The following TMEM132C variants were observed in gnomAD, a reference collection of about 807,000 sequenced individuals.
TMEM132C encodes transmembrane protein 132C, also known as protein phosphatase 1, regulatory subunit 152.
In TMEM132C, 29 loss-of-function variants were observed where a neutral mutation model predicts 61.4. That is an observed-to-expected ratio of 0.47 (90% CI 0.35 to 0.64). The LOEUF (loss-of-function observed/expected upper bound fraction) is 0.64. TMEM132C is among the 30% of genes least tolerant of loss of function. TMEM132C has a pLI of 0.00. For synonymous variants in TMEM132C, 656 were observed against 633.1 expected, an observed-to-expected ratio of 1.04 and a Z score of -0.54; for missense variants, 1,408 against 1,476.9, an observed-to-expected ratio of 0.95 and a Z score of 0.76.
At chr12:128,655,353 T>C (rs894377806) in intron 4 of TMEM132C, among the ~76,000 whole-genome samples, 9 of 152,194 alleles carry the variant, frequency 5.9e-5, no homozygotes, top group Admixed American at 4.6e-4. Flanking sequence ...AATGCCTCTG[T>C]GTTTGTGTGC....
At chr12:128,485,834 C>T (rs1030257298) in intron 2 of TMEM132C, among the ~76,000 whole-genome samples, 5 of 152,278 alleles carry the variant, frequency 3.3e-5, no homozygotes, top group Non-Finnish European at 5.9e-5. Flanking sequence ...ACGGAGGGCG[C>T]GGAGGTTTCT....
In TMEM132C at chr12:128,593,348, C is replaced by G. The variant is rs113635795; in HGVS notation, c.1122-22804C>G. Among the ~76,000 whole-genome samples, 272 of 151,986 alleles carry G rather than the reference C, an allele frequency of 1.8e-3. 2 individuals carry two copies. The highest frequency in any genetic ancestry group is 2.9e-3 in the Non-Finnish European group (199 of 67,946). ...CTCTCCTCTCTCCTTCCCTCTCTTT[C>G]TCTCTCTCTCTCCTCAAATTAAAGT... is the stretch of plus-strand genomic sequence containing the variant. On this transcript the variant is annotated intron_variant, in intron 3 of 8. Coordinates refer to ENST00000435159, the MANE Select transcript of TMEM132C (RefSeq NM_001136103.3).
intron 4 of TMEM132C, among the ~76,000 whole-genome samples, chr12:128,636,849 G>T (rs934800488): frequency 2.6e-5 from 4 of 152,046 alleles, no homozygotes; most frequent in Non-Finnish European, 4.4e-5. Flanking sequence ...CCTATGAATG[G>T]AATCATGCAG....
At chr12:128,555,717 T>A (rs1171639452) in intron 3 of TMEM132C, among the ~76,000 whole-genome samples, 1 of 151,730 alleles carries the variant, frequency 6.6e-6, no homozygotes, top group Admixed American at 6.6e-5. Context: ...CCTAACTTTT[T>A]TTTTTTTTTT....
chr12:128,498,754 A>T (rs1439322161), intron 2 of TMEM132C, among the ~76,000 whole-genome samples: 2 of 152,164 alleles, frequency 1.3e-5, no homozygotes, highest in Non-Finnish European at 1.5e-5. Context: ...AAATTAAAAA[A>T]TTTTCATTTA....
intron 2 of TMEM132C, among the ~76,000 whole-genome samples, chr12:128,430,297 C>G (rs543277461): frequency 6.6e-6 from 1 of 152,158 alleles, no homozygotes; most frequent in Admixed American, 6.5e-5. Flanking sequence ...TACCATAGCA[C>G]AAATGACGGA....
intron 3 of TMEM132C, among the ~76,000 whole-genome samples, chr12:128,605,076 A>G (rs548981579): frequency 1.3e-5 from 2 of 152,040 alleles, no homozygotes; most frequent in South Asian, 2.1e-4. Context: ...ATGACAGATT[A>G]TGGATAGGTA....
In TMEM132C at chr12:128,535,362, A is replaced by T. The variant is rs1410656947; in HGVS notation, c.975-8595A>T. ...CATCTGACAAAGGGCTAATATCCAG[A>T]ATCTACAAAGAACTCAAACAAATTT... On this transcript the variant is annotated intron_variant, in intron 2 of 8. Transcript: ENST00000435159. Among the ~76,000 whole-genome samples the T allele has an allele frequency of 3.0e-5, 4 of 133,482 alleles. No homozygotes were observed. In the East Asian group the frequency reaches 7.9e-4, roughly 26 times the overall value. The allele number at this position is 133,482 out of a possible 152,430, so 87.6% of individuals were successfully genotyped here. A position where few individuals can be genotyped will look rare whatever the true frequency, so the allele number is the denominator to read the frequency against.
At chr12:128,438,927 T>A (rs4882697) in intron 2 of TMEM132C, 67,533 of 151,762 alleles carry the variant, frequency 0.44, 15,202 homozygotes, top group East Asian at 0.61. Context: ...TTCCTCTTTT[T>A]TTCCCCCCAG....
chr12:128,296,316 G>A (rs1371167030), intron 1 of TMEM132C, among the ~76,000 whole-genome samples: 3 of 152,204 alleles, frequency 2.0e-5, no homozygotes, highest in Middle Eastern at 3.2e-3. Flanking sequence ...AACTCCAGAA[G>A]TAGGGTGGTT....
At chr12:128,681,817 A>ATTTTTTTTTTTTTTTTTTT (rs35154554) in intron 5 of TMEM132C, among the ~76,000 whole-genome samples, 4 of 86,476 alleles carry the variant, frequency 4.6e-5, no homozygotes, top group Non-Finnish European at 6.2e-5. Flanking sequence ...CCACGCCTGG[A>ATTTTTTTTTTTTTTTTTTT]TTTTTTTTTT....
chr12:128,378,749 T>C (rs186452886), intron 1 of TMEM132C, among the ~76,000 whole-genome samples: 2,360 of 152,250 alleles, frequency 0.016, 24 homozygotes, highest in Middle Eastern at 0.061. Context: ...GTTGAGGTGA[T>C]ACGGTTTGTC....
chr12:128,615,704 C>T (rs1002717368), intron 3 of TMEM132C, among the ~76,000 whole-genome samples: 2 of 152,198 alleles, frequency 1.3e-5, no homozygotes, highest in African/African-American at 4.8e-5. Context: ...CCGCCACTCA[C>T]CTCCTGCTGT....
At chr12:128,383,349 G>C (rs1479955832) in intron 1 of TMEM132C, among the ~76,000 whole-genome samples, 1 of 152,180 alleles carries the variant, frequency 6.6e-6, no homozygotes, top group Non-Finnish European at 1.5e-5. Flanking sequence ...CCGCCCGTTG[G>C]CCAATTCACT....
At chr12:128,473,445 T>TCTTCAGTCCAACCTCTCTCTTC (rs1871043379) in intron 2 of TMEM132C, among the ~76,000 whole-genome samples, 5 of 59,976 alleles carry the variant, frequency 8.3e-5, no homozygotes, top group African/African-American at 1.3e-4. Flanking sequence ...CCTCTATCTT[T>TCTTCAGTCCAACCTCTCTCTTC]ATCCTCACGC....
intron 5 of TMEM132C, among the ~76,000 whole-genome samples, chr12:128,675,835 TA>T (rs1566011847): frequency 3.4e-4 from 46 of 136,596 alleles, no homozygotes; most frequent in Admixed American, 2.3e-4. Flanking sequence ...TTTAGATAGA[TA>T]GAAGATAGAT....
At chr12:128,396,560 TTAAAG>T (rs974672191) in intron 1 of TMEM132C, among the ~76,000 whole-genome samples, 1 of 152,116 alleles carries the variant, frequency 6.6e-6, no homozygotes, top group Non-Finnish European at 1.5e-5. Flanking sequence ...ATCTCAGAAC[TTAAAG>T]TAAAATAATA....
In TMEM132C at chr12:128,278,513, T is replaced by A. The variant is rs1375821196; in HGVS notation, c.85+11026T>A. On this transcript the variant is annotated intron_variant, in intron 1 of 8. Transcript: ENST00000435159. This position sits in a 1 kb window ranked among gnomAD's most constrained non-coding sequence, Gnocchi z 4.2. ...TGTCCTGGCCCTTGACCCCAGCCTGTCTCCCTGCGGCACCGATGCCATGGA... is the reference window on the plus strand; with the variant it reads ...TGTCCTGGCCCTTGACCCCAGCCTGACTCCCTGCGGCACCGATGCCATGGA... 6.6e-6 allele frequency among the ~76,000 whole-genome samples: 1 copy of A among 152,128 alleles called. No homozygotes were observed. Among genetic ancestry groups the A allele is most frequent in the Non-Finnish European group, 1.5e-5 (1 of 68,022 alleles).
intron 2 of TMEM132C, among the ~76,000 whole-genome samples, chr12:128,423,177 T>C (rs1869050911): frequency 6.6e-6 from 1 of 152,188 alleles, no homozygotes; most frequent in African/African-American, 2.4e-5. Flanking sequence ...CGTGCAGTCT[T>C]TAATAGCCCT....
Sources: allele counts gnomAD v4.1 joint callset (sites outside exome capture counted in the v4.1 genomes callset), GRCh38; gene constraint gnomAD v4.1.1; non-coding constraint Gnocchi (gnomAD v3.1); transcripts MANE v1.5; gene names NCBI Gene and HGNC (gene_info 2026-07-23, HGNC 2026-07-21).